Variants in AGBL4 observed in about 807,000 individuals in gnomAD.
AGBL4 encodes the protein cytosolic carboxypeptidase 6.
AGBL4 carries 58 observed loss-of-function variants against 66.4 expected under a neutral mutation model. That is an observed-to-expected ratio of 0.87 (90% CI 0.71 to 1.09). The LOEUF is 1.09. Ranked by LOEUF, AGBL4 falls within the 50% of genes least tolerant of loss-of-function variation. AGBL4 has a pLI of 0.00. For synonymous variants in AGBL4, 234 were observed against 222.9 expected (o/e 1.05, Z -0.44); for missense variants, 579 against 631.0 (o/e 0.92, Z 0.88).
chr1:49,418,940 T>A (rs1443019814), intron 3 of AGBL4, among the ~76,000 whole-genome samples: 2 of 152,144 alleles, frequency 1.3e-5, no homozygotes, highest in Non-Finnish European at 2.9e-5. Context: ...TCATAGATAA[T>A]GGATTTTAGA....
chr1:49,601,424 C>A (rs573332806), intron 3 of AGBL4, among the ~76,000 whole-genome samples: 1 of 151,812 alleles, frequency 6.6e-6, no homozygotes, highest in African/African-American at 2.4e-5. Context: ...ATAGATTTGG[C>A]TATTCATCCT....
intron 3 of AGBL4, among the ~76,000 whole-genome samples, chr1:49,422,238 A>G (rs2148643899): frequency 6.6e-6 from 1 of 152,312 alleles, no homozygotes; most frequent in African/African-American, 2.4e-5. Context: ...GCCCAAAGCA[A>G]AACAACTCTG....
chr1:49,269,348 A>G (rs1644002945), intron 3 of AGBL4: 1 of 152,186 alleles, frequency 6.6e-6, no homozygotes, highest in Non-Finnish European at 1.5e-5. Context: ...TATTTTATCC[A>G]AAAATATATT....
chr1:49,282,499 A>G (rs938511737), intron 3 of AGBL4, among the ~76,000 whole-genome samples: 1 of 152,158 alleles, frequency 6.6e-6, no homozygotes, highest in Non-Finnish European at 1.5e-5. Context: ...ACAAAATATT[A>G]AGAAAGTAGG....
chr1:49,513,559 G>C (rs953534565), intron 3 of AGBL4, among the ~76,000 whole-genome samples: 35 of 151,880 alleles, frequency 2.3e-4, no homozygotes, highest in African/African-American at 8.0e-4. Flanking sequence ...ATGGCCTCCA[G>C]CTCCATTCAT....
intron 4 of AGBL4, among the ~76,000 whole-genome samples, chr1:49,237,465 A>T (rs1650850361): frequency 7.7e-6 from 1 of 130,462 alleles, no homozygotes; most frequent in African/African-American, 2.8e-5. Context: ...CAGCAGCATA[A>T]AAACAGACTA....
intron 3 of AGBL4, among the ~76,000 whole-genome samples, chr1:49,479,076 G>A (rs1485760420): frequency 1.3e-5 from 2 of 151,492 alleles, no homozygotes; most frequent in Non-Finnish European, 1.5e-5. Flanking sequence ...AAGGAAAAAA[G>A]AGAAGACCTC....
At chr1:49,106,160 G>C (rs981607023) in intron 4 of AGBL4, among the ~76,000 whole-genome samples, 6 of 152,054 alleles carry the variant, frequency 3.9e-5, no homozygotes, top group African/African-American at 1.4e-4. Context: ...TGAAAGACTA[G>C]AGAACTACAC....
chr1:49,347,784 C>T (rs897658780), intron 3 of AGBL4, among the ~76,000 whole-genome samples: 19 of 151,620 alleles, frequency 1.3e-4, no homozygotes, highest in African/African-American at 4.6e-4. Flanking sequence ...CGCTTGAACC[C>T]GGGAGGCAGA....
At chr1:48,855,614 C>A (rs1418258857) in intron 6 of AGBL4, among the ~76,000 whole-genome samples, 3 of 151,948 alleles carry the variant, frequency 2.0e-5, no homozygotes, top group Non-Finnish European at 2.9e-5. Flanking sequence ...TGGTCTTTGA[C>A]CCAAAAATTC....
chr1:49,164,310 C>T (rs1332902658), intron 4 of AGBL4, among the ~76,000 whole-genome samples: 1 of 151,926 alleles, frequency 6.6e-6, no homozygotes, highest in African/African-American at 2.4e-5. Flanking sequence ...CTTTGGGGCA[C>T]CACATATTAC....
At chr1:48,714,638 T>C (rs940401454) in intron 6 of AGBL4, among the ~76,000 whole-genome samples, 3 of 152,224 alleles carry the variant, frequency 2.0e-5, no homozygotes, top group African/African-American at 4.8e-5. Flanking sequence ...GTGGTCCTTC[T>C]GAAACACCAA....
intron 3 of AGBL4, among the ~76,000 whole-genome samples, chr1:49,694,745 T>C (rs1455887487): frequency 6.6e-6 from 1 of 152,122 alleles, no homozygotes; most frequent in African/African-American, 2.4e-5. Context: ...CAGAGACATT[T>C]TGAACAACAA....
At chr1:49,718,690 A>G (rs1046533731) in intron 2 of AGBL4, among the ~76,000 whole-genome samples, 7 of 152,160 alleles carry the variant, frequency 4.6e-5, no homozygotes, top group Non-Finnish European at 7.4e-5. Context: ...CTTATTTTCT[A>G]TTAAACTTAT....
chr1:48,754,238 C>T (rs1235752783), intron 6 of AGBL4, among the ~76,000 whole-genome samples: 6 of 152,190 alleles, frequency 3.9e-5, no homozygotes, highest in Non-Finnish European at 4.4e-5. Context: ...TCCATTCTCA[C>T]ACATGGGGGC....
chr1:49,692,163 T>C (rs972457351), intron 3 of AGBL4, among the ~76,000 whole-genome samples: 1 of 152,188 alleles, frequency 6.6e-6, no homozygotes, highest in Non-Finnish European at 1.5e-5. Flanking sequence ...TAACATTGTC[T>C]TGTTTAATTT....
chr1:48,901,187 T>A (rs1652047173), intron 5 of AGBL4, among the ~76,000 whole-genome samples: 1 of 152,068 alleles, frequency 6.6e-6, no homozygotes. Context: ...TAGACAACTA[T>A]TAGAATGGAT....
chr1:49,209,050 A>C (rs780366228), intron 4 of AGBL4, among the ~76,000 whole-genome samples: 1 of 152,156 alleles, frequency 6.6e-6, no homozygotes, highest in Non-Finnish European at 1.5e-5. Context: ...TGTGTAAAAG[A>C]AAAGCAGCAA....
chr1:49,557,551 C>T (rs1291852330), intron 3 of AGBL4, among the ~76,000 whole-genome samples: 2 of 152,084 alleles, frequency 1.3e-5, no homozygotes, highest in Non-Finnish European at 2.9e-5. Context: ...GGACCAAACT[C>T]AGCTGATATC....
Sources: gnomAD v4.1 joint callset for allele counts (sites outside exome capture counted in the v4.1 genomes callset) on GRCh38, gnomAD v4.1.1 for gene constraint, MANE v1.5 for transcripts, NCBI Gene and HGNC (gene_info 2026-07-23, HGNC 2026-07-21) for gene names.